COX10: variants seen among roughly 807,000 people sequenced by gnomAD.
COX10 encodes the protein cytochrome c oxidase assembly factor heme A:farnesyltransferase COX10.
A neutral mutation model predicts 37.3 loss-of-function variants in COX10; 27 were observed. The ratio of observed to expected loss-of-function variants is 0.72; its 90% CI spans 0.53 to 1.00. The LOEUF is 1.00. Among genes scored for constraint, COX10 ranks in the 50% least tolerant of loss-of-function variants. The pLI, the probability that COX10 is intolerant of heterozygous loss-of-function variation, is 0.00. For missense variants in COX10, 475 were observed against 563.2 expected, an observed-to-expected ratio of 0.84 and a Z score of 1.59; for synonymous variants, 222 against 229.1, an observed-to-expected ratio of 0.97 and a Z score of 0.28.
At chr17:14,140,903 A>G (rs1264377450) in intron 4 of COX10, among the ~76,000 whole-genome samples, 1 of 152,160 alleles carries the variant, frequency 6.6e-6, no homozygotes, top group East Asian at 1.9e-4. Flanking sequence ...TCATCACGTT[A>G]TGATAAATGA....
rs1381518440 is a variant in COX10, at chr17:14,207,543, A to T, written c.*330A>T. 7.7e-6 allele frequency: 2 copies of T among 261,048 alleles called. No individual in the cohort carries two copies. The highest frequency in any genetic ancestry group is 1.5e-5 in the Non-Finnish European group (2 of 135,632). 16.2% of individuals were successfully genotyped at this position (261,048 alleles called of 1,614,324 possible). On this transcript the variant is annotated 3_prime_UTR_variant, in exon 7 of 7. Transcript: ENST00000261643. The stretch of plus-strand genomic sequence containing the variant: ...ATACACAGCTTCCTCTTTTGGTTCC[A>T]TCCTTACCACCACACCACACGCACA...
chr17:14,099,217 G>T (rs910435183), intron 3 of COX10, among the ~76,000 whole-genome samples: 1 of 151,972 alleles, frequency 6.6e-6, no homozygotes, highest in Non-Finnish European at 1.5e-5. Flanking sequence ...ACCATATTTG[G>T]GAACAACTGA....
At chr17:14,087,354 C>T (rs561344491) in intron 3 of COX10, among the ~76,000 whole-genome samples, 4 of 152,056 alleles carry the variant, frequency 2.6e-5, no homozygotes, top group Non-Finnish European at 5.9e-5. Flanking sequence ...GTATCTTTCT[C>T]CCTTCCGGAA....
chr17:14,117,602 A>G (rs537271804), intron 4 of COX10, among the ~76,000 whole-genome samples: 9 of 152,320 alleles, frequency 5.9e-5, no homozygotes, highest in African/African-American at 1.9e-4. Context: ...CTGCTGCTCA[A>G]ACCCGGAGGG....
At chr17:14,077,636 C>T (rs1162401675) in intron 3 of COX10, among the ~76,000 whole-genome samples, 8 of 152,330 alleles carry the variant, frequency 5.3e-5, no homozygotes, top group African/African-American at 1.9e-4. Flanking sequence ...CACAGTCACC[C>T]TGTAAGTCAG....
chr17:14,158,859 A>G (rs1467826163), intron 4 of COX10, among the ~76,000 whole-genome samples: 2 of 152,036 alleles, frequency 1.3e-5, no homozygotes, highest in Admixed American at 6.6e-5. Context: ...TCGTCTGTTG[A>G]TTTGGTTCTA....
intron 6 of COX10, among the ~76,000 whole-genome samples, chr17:14,202,762 C>T (rs1597550077): frequency 6.7e-6 from 1 of 150,340 alleles, no homozygotes; most frequent in African/African-American, 2.5e-5. Flanking sequence ...CCAGCCTGTT[C>T]CCCCCTGCGC....
At chr17:14,076,573 C>A (rs1915156425) in intron 2 of COX10, among the ~76,000 whole-genome samples, 162 bp from the exon 3 acceptor site, 1 of 152,150 alleles carries the variant, frequency 6.6e-6, no homozygotes, top group Admixed American at 6.5e-5. Flanking sequence ...ATAGTGATTT[C>A]CATATAGCAC....
intron 4 of COX10, among the ~76,000 whole-genome samples, chr17:14,139,077 A>C (rs1444788938): frequency 3.3e-5 from 5 of 152,216 alleles, no homozygotes. Flanking sequence ...GATTACATGA[A>C]ATAATACACA....
At chr17:14,108,768 A>T (rs1025242971) in intron 4 of COX10, among the ~76,000 whole-genome samples, 3 of 152,070 alleles carry the variant, frequency 2.0e-5, no homozygotes, top group Non-Finnish European at 2.9e-5. Context: ...GAAAGGAAAA[A>T]CAGGTAAAGA....
intron 5 of COX10, among the ~76,000 whole-genome samples, chr17:14,174,958 A>C (rs1273250670): frequency 7.2e-6 from 1 of 139,118 alleles, no homozygotes; most frequent in East Asian, 2.0e-4. Context: ...GTGTGTTTCA[A>C]AAGCACTACG....
In COX10 at chr17:14,069,569, A is replaced by G. The variant is rs755791748; in HGVS notation, c.-37A>G. On this transcript the variant is annotated 5_prime_UTR_variant, in exon 1 of 7. Coordinates refer to ENST00000261643, the MANE Select transcript of COX10 (RefSeq NM_001303.4). ...CCAGCGTCCCGTGAGGAGAGAGGACACAGGGATCCCGGGGAGCGGCCCCAG... is the reference window on the plus strand; with the variant it reads ...CCAGCGTCCCGTGAGGAGAGAGGACGCAGGGATCCCGGGGAGCGGCCCCAG... 3.1e-6 allele frequency: 5 copies of G among 1,611,100 alleles called. No homozygotes were observed. In the East Asian group the frequency reaches 8.9e-5, roughly 29 times the overall value.
intron 5 of COX10, among the ~76,000 whole-genome samples, chr17:14,163,826 G>T (rs1478652612): frequency 2.0e-5 from 3 of 151,938 alleles, no homozygotes; most frequent in African/African-American, 7.3e-5. Flanking sequence ...TTCTTTTTTA[G>T]TTTTTTTCTT....
intron 4 of COX10, among the ~76,000 whole-genome samples, chr17:14,127,125 G>A (rs1916359166): frequency 6.6e-6 from 1 of 152,088 alleles, no homozygotes; most frequent in Admixed American, 6.5e-5. Context: ...ATTAGCTCTG[G>A]ATTATTAAAA....
chr17:14,091,018 C>G (rs1283418912), intron 3 of COX10, among the ~76,000 whole-genome samples: 1 of 152,160 alleles, frequency 6.6e-6, no homozygotes, highest in East Asian at 1.9e-4. Flanking sequence ...ACAGCTTAGC[C>G]TTTTAATTAC....
chr17:14,119,398 A>C (rs1916181829), intron 4 of COX10, among the ~76,000 whole-genome samples: 1 of 152,148 alleles, frequency 6.6e-6, no homozygotes, highest in Non-Finnish European at 1.5e-5. Flanking sequence ...TCAACTGAGC[A>C]TCTGTCACTC....
At chr17:14,166,612 CTTTTTTTTTT>C (rs71147845) in intron 5 of COX10, among the ~76,000 whole-genome samples, 3 of 96,532 alleles carry the variant, frequency 3.1e-5, no homozygotes, top group Non-Finnish European at 4.0e-5. Context: ...TCAATTCGAC[CTTTTTTTTTT>C]TTTTTTTTTT....
At chr17:14,123,364 A>G (rs1433473647) in intron 4 of COX10, among the ~76,000 whole-genome samples, 1 of 152,176 alleles carries the variant, frequency 6.6e-6, no homozygotes, top group Non-Finnish European at 1.5e-5. Flanking sequence ...AAAATGCTAA[A>G]TCTCTTCTCA....
rs142996832 is a variant in COX10 at position 14,202,279 on chromosome 17, C to T, written c.929-4531C>T. Among the ~76,000 whole-genome samples, 241 of 148,610 alleles carry T rather than the reference C, an allele frequency of 1.6e-3. 2 individuals are homozygous for T. In the Middle Eastern group the frequency reaches 0.031, roughly 19 times the overall value. On this transcript the variant is annotated intron_variant, in intron 6 of 6. Coordinates refer to ENST00000261643, the MANE Select transcript of COX10 (RefSeq NM_001303.4). ...TTGCTCTGTCACCCAGGCTGGAGTA[C>T]GGTGGTGCAGTCATAGTTCAATGCA...
Sources: gnomAD v4.1 joint callset for allele counts (sites outside exome capture counted in the v4.1 genomes callset) on GRCh38, gnomAD v4.1.1 for gene constraint, MANE v1.5 for transcripts, NCBI Gene and HGNC (gene_info 2026-07-23, HGNC 2026-07-21) for gene names.